The following FAM24B variants were observed in gnomAD, a reference collection of about 807,000 sequenced individuals.
FAM24B encodes the protein protein FAM24B.
A neutral mutation model predicts 2.3 loss-of-function variants in FAM24B; 3 were observed. The observed-to-expected ratio is 1.29, with a 90% CI of 0.59 to 3.32. The LOEUF (loss-of-function observed/expected upper bound fraction) is 3.32, where lower values mean the gene tolerates loss of function less well. FAM24B is among the 30% of genes most tolerant of loss of function. The pLI is 0.03. For missense variants in FAM24B, 98 were observed against 117.2 expected (o/e 0.84, Z 0.76); for synonymous variants, 36 against 46.3 (o/e 0.78, Z 0.90).
At chr10:122,859,961 G>C (rs891800993) in intron 1 of FAM24B, among the ~76,000 whole-genome samples, 4 of 152,112 alleles carry the variant, frequency 2.6e-5, no homozygotes, top group Non-Finnish European at 4.4e-5. Context: ...GTGGCACTGA[G>C]AGCCATCAGC....
intron 2 of FAM24B, among the ~76,000 whole-genome samples, chr10:122,854,622 C>A (rs567019881): frequency 6.6e-6 from 1 of 152,318 alleles, no homozygotes; most frequent in African/African-American, 2.4e-5. Flanking sequence ...TCATTCGAAG[C>A]AATATCTCAC....
At chr10:122,851,873 CTCA>C (rs1847544510) in intron 2 of FAM24B, among the ~76,000 whole-genome samples, 1 of 151,976 alleles carries the variant, frequency 6.6e-6, no homozygotes, top group Non-Finnish European at 1.5e-5. Flanking sequence ...AGAATAATGT[CTCA>C]TCATAAAAAA....
At chr10:122,878,583 C>T (rs1589680401) in intron 1 of FAM24B, among the ~76,000 whole-genome samples, 2 of 151,698 alleles carry the variant, frequency 1.3e-5, no homozygotes, top group African/African-American at 4.8e-5. Flanking sequence ...AAGCATCAAG[C>T]ATCAGGACAA....
chr10:122,869,444 T>C (rs1419873711), intron 1 of FAM24B, among the ~76,000 whole-genome samples: 1 of 152,186 alleles, frequency 6.6e-6, no homozygotes, highest in African/African-American at 2.4e-5. Context: ...CTAACAGACA[T>C]CTACAGAACT....
chr10:122,853,321 C>G (rs1178949795), intron 2 of FAM24B, among the ~76,000 whole-genome samples: 1 of 152,124 alleles, frequency 6.6e-6, no homozygotes, highest in African/African-American at 2.4e-5. Context: ...CTGGGCCCTT[C>G]GCATGTGTTA....
In FAM24B at chr10:122,849,157, C is replaced by A; in HGVS notation, c.*90G>T. On this transcript the variant is annotated 3_prime_UTR_variant, in exon 4 of 4. Transcript: ENST00000368898. ...AACAACACTGTAAATTATATAATCTCACATAAAAACACTAGAACTTGATTT... is the reference window on the plus strand; with the variant it reads ...AACAACACTGTAAATTATATAATCTAACATAAAAACACTAGAACTTGATTT... The A allele has an allele frequency of 1.1e-6, 1 of 945,574 alleles. No individual in the cohort carries two copies. The highest frequency in any genetic ancestry group is 2.6e-5 in the South Asian group (1 of 38,044). 58.6% of individuals were successfully genotyped at this position (945,574 alleles called of 1,614,324 possible).
rs1187978537 is a variant in FAM24B at position 122,879,570 on chromosome 10, C to G, written c.-263G>C. 1 of 152,670 alleles carries G rather than the reference C, an allele frequency of 6.6e-6. No homozygotes were observed. Among genetic ancestry groups the G allele is most frequent in the Admixed American group, 6.5e-5 (1 of 15,298 alleles). The allele number at this position is 152,670 out of a possible 1,614,324, so 9.5% of individuals were successfully genotyped here. On this transcript the variant is annotated 5_prime_UTR_variant, in exon 1 of 4. Transcript: ENST00000368898. ...CCAGCGTCGAAAAACCGCCGTGGTG[C>G]CCGCGCACAGTGCACCGCGCCTGCG...
chr10:122,863,076 T>C (rs1452566032), intron 1 of FAM24B, among the ~76,000 whole-genome samples: 1 of 152,166 alleles, frequency 6.6e-6, no homozygotes, highest in Non-Finnish European at 1.5e-5. Flanking sequence ...ATCAGAACCA[T>C]CTTTCCCACT....
intron 1 of FAM24B, among the ~76,000 whole-genome samples, chr10:122,868,957 C>T (rs1322816276): frequency 6.6e-6 from 1 of 152,124 alleles, no homozygotes; most frequent in Admixed American, 6.6e-5. Context: ...GGTAAATGGG[C>T]TAAATGCTCC....
At position 122,863,319 on chromosome 10, in the gene FAM24B, C is replaced by T. The variant is rs367761097; in HGVS notation, c.-177-7533G>A. On this transcript the variant is annotated intron_variant, in intron 1 of 3. Coordinates refer to ENST00000368898, the MANE Select transcript of FAM24B (RefSeq NM_152644.3). ...GAGGTAGGTAATACTATTATCATCC[C>T]CATTTTCTTAATGGAGGCAATAACA... Among the ~76,000 whole-genome samples the T allele has an allele frequency of 1.4e-4, 22 of 152,252 alleles. No individual in the cohort carries two copies. The East Asian group carries it at 1.5e-3, about 11-fold the overall frequency.
intron 2 of FAM24B, among the ~76,000 whole-genome samples, chr10:122,852,986 C>T (rs1438094030): frequency 6.6e-6 from 1 of 152,118 alleles, no homozygotes; most frequent in Non-Finnish European, 1.5e-5. Flanking sequence ...TTCCAAGTTG[C>T]TCACTTCTTC....
intron 1 of FAM24B, among the ~76,000 whole-genome samples, chr10:122,861,898 T>C (rs1234849044): frequency 6.6e-6 from 1 of 152,032 alleles, no homozygotes; most frequent in African/African-American, 2.4e-5. Context: ...CCAAACTCCT[T>C]ATCTGACCTA....
intron 2 of FAM24B, among the ~76,000 whole-genome samples, chr10:122,853,452 T>C (rs1445300550): frequency 2.0e-5 from 3 of 152,166 alleles, no homozygotes; most frequent in Non-Finnish European, 4.4e-5. Flanking sequence ...TCGCCTCCTC[T>C]ATCTGCTGAA....
At chr10:122,865,888 C>T (rs901885117) in intron 1 of FAM24B, among the ~76,000 whole-genome samples, 4 of 150,464 alleles carry the variant, frequency 2.7e-5, no homozygotes, top group Non-Finnish European at 5.9e-5. Context: ...TTATCAAATT[C>T]GGAGACAGCT....
At chr10:122,870,943 A>G (rs1847886850) in intron 1 of FAM24B, among the ~76,000 whole-genome samples, 1 of 152,182 alleles carries the variant, frequency 6.6e-6, no homozygotes, top group Non-Finnish European at 1.5e-5. Flanking sequence ...CAGGGCAATC[A>G]GGCAGAAGAA....
intron 1 of FAM24B, among the ~76,000 whole-genome samples, chr10:122,859,083 A>G (rs935219468): frequency 1.8e-4 from 27 of 152,184 alleles, no homozygotes; most frequent in Non-Finnish European, 3.7e-4. Context: ...GACAGCACAC[A>G]TAAGACAAGG....
chr10:122,854,453 C>A (rs1847601482), intron 2 of FAM24B, among the ~76,000 whole-genome samples: 1 of 152,192 alleles, frequency 6.6e-6, no homozygotes, highest in Non-Finnish European at 1.5e-5. Context: ...CTTCCACCCC[C>A]AGCCTTCCTG....
intron 1 of FAM24B, among the ~76,000 whole-genome samples, chr10:122,857,498 G>A (rs953833803): frequency 1.3e-5 from 2 of 152,154 alleles, no homozygotes; most frequent in Non-Finnish European, 2.9e-5. Flanking sequence ...AATAAATATT[G>A]AATTGCTGTC....
intron 1 of FAM24B, 36 bp from the exon 2 acceptor site, chr10:122,855,822 C>T (rs1847628907): frequency 6.6e-6 from 1 of 152,250 alleles, no homozygotes; most frequent in South Asian, 2.1e-4. Flanking sequence ...CAAGTACTCT[C>T]TAGCTCAGGA....
Sources: gnomAD v4.1 joint callset for allele counts (sites outside exome capture counted in the v4.1 genomes callset) on GRCh38, gnomAD v4.1.1 for gene constraint, MANE v1.5 for transcripts, NCBI Gene and HGNC (gene_info 2026-07-23, HGNC 2026-07-21) for gene names.